The following ABLIM1 variants were observed in gnomAD, a reference collection of about 807,000 sequenced individuals.
The protein encoded by ABLIM1 is actin binding LIM protein 1.
ABLIM1 carries 40 observed loss-of-function variants against 107.0 expected under a neutral mutation model. That is an observed-to-expected ratio of 0.37 (90% confidence interval 0.29 to 0.49). The LOEUF (loss-of-function observed/expected upper bound fraction) is 0.49. ABLIM1 is among the 20% of genes least tolerant of loss of function. ABLIM1 has a pLI of 0.97. For missense variants in ABLIM1, 857 were observed against 1,008.5 expected (o/e 0.85, Z 2.04); for synonymous variants, 357 against 357.3 (o/e 1.00, Z 0.01).
intron 1 of ABLIM1, among the ~76,000 whole-genome samples, chr10:114,697,010 T>C (rs1426073331): frequency 2.0e-5 from 3 of 152,136 alleles, no homozygotes; most frequent in Non-Finnish European, 2.9e-5. Flanking sequence ...GGCCTTCTGG[T>C]CCATTCTGGG....
chr10:114,600,403 C>T (rs546596966), intron 2 of ABLIM1, among the ~76,000 whole-genome samples: 19 of 152,268 alleles, frequency 1.2e-4, no homozygotes, highest in African/African-American at 4.6e-4. Context: ...CTCATGCCCT[C>T]CACTCCTTCC....
In ABLIM1 at chr10:114,585,542, A is replaced by G. The variant is rs17092092; in HGVS notation, c.380-9943T>C. Among the ~76,000 whole-genome samples, 774 of 152,258 alleles carry G rather than the reference A, an allele frequency of 5.1e-3. 20 individuals carry two copies. Among genetic ancestry groups the G allele is most frequent in the Admixed American group, 0.035 (534 of 15,280 alleles). The stretch of plus-strand genomic sequence containing the variant: ...TCCCCTGCTTACCTCTTCCAAATCA[A>G]TATGGTAAAGACGATGCTTTCATCA... On this transcript the variant is annotated intron_variant, in intron 2 of 22. Transcript: ENST00000533213.
intron 6 of ABLIM1, among the ~76,000 whole-genome samples, chr10:114,524,601 AAC>A (rs1378791349): frequency 2.2e-4 from 33 of 152,148 alleles, no homozygotes; most frequent in African/African-American, 7.2e-4. Flanking sequence ...AACAACAAAA[AAC>A]TCTATATTTA....
intron 15 of ABLIM1, among the ~76,000 whole-genome samples, chr10:114,446,743 A>G (rs1363784006): frequency 6.6e-6 from 1 of 152,232 alleles, no homozygotes; most frequent in Non-Finnish European, 1.5e-5. Flanking sequence ...TAGCAACCTC[A>G]AGGCCTCAAG....
At chr10:114,767,949 C>T (rs1811680996) in intron 1 of ABLIM1, 1 of 347,350 alleles carries the variant, frequency 2.9e-6, no homozygotes, top group South Asian at 2.0e-5. Flanking sequence ...GGATCCGCTG[C>T]CAAAGTTTCA....
In ABLIM1 at chr10:114,488,017, C is replaced by T; in HGVS notation, c.983-1G>A. 1.2e-6 allele frequency: 2 copies of T among 1,614,062 alleles called. No individual in the cohort carries two copies. The highest frequency in any genetic ancestry group is 1.7e-6 in the Non-Finnish European group (2 of 1,180,022). ...CAGTCGGGATGCCAAACGGTGGAGCCTGAGAAGACAGAATGCACTACTAAG... is the reference window on the plus strand; with the variant it reads ...CAGTCGGGATGCCAAACGGTGGAGCTTGAGAAGACAGAATGCACTACTAAG... On this transcript the variant is annotated splice_acceptor_variant, in intron 7 of 22. Coordinates refer to ENST00000533213, the MANE Select transcript of ABLIM1 (RefSeq NM_002313.7). LOFTEE classifies it high-confidence loss of function.
chr10:114,784,349 A>AAAAG, the ABLIM1 span, among the ~76,000 whole-genome samples: 6,930 of 131,910 alleles, frequency 0.053, 279 homozygotes, highest in South Asian at 0.073. Context: ...CTGTCTCAAA[A>AAAAG]AAAGAAAGAA....
intron 2 of ABLIM1, among the ~76,000 whole-genome samples, chr10:114,586,681 T>G (rs2074234561): frequency 1.1e-5 from 1 of 87,094 alleles, no homozygotes; most frequent in Non-Finnish European, 2.2e-5. Context: ...TTCTATCTCT[T>G]TGGTTCAGAA....
intron 12 of ABLIM1, among the ~76,000 whole-genome samples, chr10:114,454,704 G>C (rs549148078): frequency 1.3e-5 from 2 of 152,152 alleles, no homozygotes; most frequent in Non-Finnish European, 2.9e-5. Context: ...ATTTGTAACT[G>C]GCCTAAATTG....
chr10:114,688,449 C>T (rs570188325), upstream of ABLIM1, among the ~76,000 whole-genome samples: 3 of 152,128 alleles, frequency 2.0e-5, no homozygotes, highest in Admixed American at 1.3e-4. Flanking sequence ...AATTATAAGC[C>T]CAAATCATTG....
At chr10:114,489,267 T>A (rs1270296606) in intron 7 of ABLIM1, among the ~76,000 whole-genome samples, 3 of 152,166 alleles carry the variant, frequency 2.0e-5, no homozygotes, top group Non-Finnish European at 4.4e-5. Flanking sequence ...TCCACCCACC[T>A]CGGCCTACCA....
At chr10:114,790,741 C>T in the ABLIM1 span, among the ~76,000 whole-genome samples, 1 of 152,120 alleles carries the variant, frequency 6.6e-6, no homozygotes, top group Non-Finnish European at 1.5e-5. Context: ...ATGTGAATGA[C>T]TTAAAATTCA....
At chr10:114,600,881 C>T (rs898912782) in intron 2 of ABLIM1, among the ~76,000 whole-genome samples, 1 of 152,164 alleles carries the variant, frequency 6.6e-6, no homozygotes, top group Non-Finnish European at 1.5e-5. Context: ...CATGCCCTGG[C>T]TCTGAAATAA....
intron 1 of ABLIM1, among the ~76,000 whole-genome samples, chr10:114,683,544 C>T (rs578025608): frequency 2.6e-5 from 4 of 152,222 alleles, no homozygotes; most frequent in Non-Finnish European, 4.4e-5. Flanking sequence ...CCAAGCTCAC[C>T]GGAGGTCCTG....
At chr10:114,778,444 T>C in the ABLIM1 span, 1 of 152,118 alleles carries the variant, frequency 6.6e-6, no homozygotes, top group Non-Finnish European at 1.5e-5. Context: ...GATCTTGCTT[T>C]GTTTCTACTA....
intron 6 of ABLIM1, among the ~76,000 whole-genome samples, chr10:114,507,530 C>G (rs2135864817): frequency 6.6e-6 from 1 of 152,336 alleles, no homozygotes. Flanking sequence ...GGGTGGGTGC[C>G]TGCCCTGCCC....
intron 1 of ABLIM1, among the ~76,000 whole-genome samples, chr10:114,760,803 T>C (rs1054462718): frequency 3.3e-5 from 5 of 152,246 alleles, no homozygotes; most frequent in Non-Finnish European, 5.9e-5. Context: ...GAGATATTGA[T>C]GTCCAAAATG....
chr10:114,506,939 G>C (rs1380296361), intron 6 of ABLIM1, among the ~76,000 whole-genome samples: 1 of 152,150 alleles, frequency 6.6e-6, no homozygotes, highest in Non-Finnish European at 1.5e-5. Context: ...GTGCTCTGTG[G>C]GTAGTTGATG....
In ABLIM1 at chr10:114,557,671, G is replaced by GT. The variant is rs61108195; in HGVS notation, c.674-9896dup. On this transcript the variant is annotated intron_variant, in intron 4 of 22. Transcript: ENST00000533213. The stretch of plus-strand genomic sequence containing the variant: ...TGACCCAATAGCTCCATAGTGAGGT[G>GT]TTTTTTTTTTTTTTTTTTTTTTGGA... Among the ~76,000 whole-genome samples the GT allele has an allele frequency of 3.6e-3, 263 of 72,406 alleles. 4 individuals carry two copies. The highest frequency in any genetic ancestry group is 5.4e-3 in the South Asian group (10 of 1,864). 47.5% of individuals were successfully genotyped at this position (72,406 alleles called of 152,430 possible).
Sources: gnomAD v4.1 joint callset for allele counts (sites outside exome capture counted in the v4.1 genomes callset) on GRCh38, gnomAD v4.1.1 for gene constraint, MANE v1.5 for transcripts, NCBI Gene and HGNC (gene_info 2026-07-23, HGNC 2026-07-21) for gene names.